Variants in TOM1 observed in about 807,000 individuals in gnomAD.
TOM1 encodes target of myb1 membrane trafficking protein.
A neutral mutation model predicts 61.3 loss-of-function variants in TOM1; 38 were observed. The ratio of observed to expected loss-of-function variants is 0.62; its 90% CI spans 0.48 to 0.81. TOM1 has a LOEUF of 0.81. TOM1 is among the 40% of genes least tolerant of loss of function. The pLI, the probability that TOM1 is intolerant of heterozygous loss-of-function variation, is 0.00. For missense variants in TOM1, 591 were observed against 659.6 expected, an observed-to-expected ratio of 0.90 and a Z score of 1.14; for synonymous variants, 270 against 268.8, an observed-to-expected ratio of 1.00 and a Z score of -0.04.
Position 35,323,867 on chromosome 22 carries a change from C to T in TOM1, c.601C>T (p.Pro201Ser), listed in dbSNP as rs142462711. The T allele has an allele frequency of 2.5e-6, 4 of 1,607,816 alleles. No homozygotes were observed. The highest frequency in any genetic ancestry group is 1.7e-5 in the Admixed American group (1 of 58,990). ...CCAGCATGCTGCCCCTCTGCCCGCC[C>T]CGCCCATACTCTCCGGTGACACGCC... ...SGQHAAPLPAPPILSGDTPIA... is the reference protein window; with the variant it reads ...SGQHAAPLPASPILSGDTPIA... The change falls in exon 6 of 15, where the codon CCG becomes TCG. Residue 201 changes from proline to serine, a missense_variant. Pro to Ser is a moderately conservative substitution (Grantham distance 74). Transcript: ENST00000449058. The surrounding 1 kb of genome is among the most constrained non-coding windows in gnomAD (Gnocchi z 4.2).
At chr22:35,337,338 AACAAGC>A (rs1929442344) in intron 11 of TOM1, among the ~76,000 whole-genome samples, 1 of 152,202 alleles carries the variant, frequency 6.6e-6, no homozygotes, top group Non-Finnish European at 1.5e-5. Context: ...TAGAGACAGC[AACAAGC>A]ACCTCCAGAC....
At chr22:35,332,941 T>G (rs1361970614) in intron 8 of TOM1, 40 bp from the exon 9 acceptor site, 3 of 1,611,654 alleles carry the variant, frequency 1.9e-6, no homozygotes, top group Non-Finnish European at 2.5e-6. Context: ...GGGGCCTGTC[T>G]CAGTCTGTCT....
intron 7 of TOM1, among the ~76,000 whole-genome samples, chr22:35,327,881 C>CA (rs1373403529): frequency 6.6e-6 from 1 of 152,110 alleles, no homozygotes; most frequent in Non-Finnish European, 1.5e-5. Context: ...TTCCTGCTCC[C>CA]GGGTGTCACA....
In TOM1 at chr22:35,300,122, G is replaced by T. The variant is rs933369062; in HGVS notation, c.52+142G>T. ...TAGCTCTCCGACCTGGCTCCGCCCA[G>T]CTTTCCTCCCACTCTTGATTGACAA... On this transcript the variant is annotated intron_variant, in intron 1 of 14. Transcript: ENST00000449058. 2.3e-5 allele frequency: 21 copies of T among 910,656 alleles called. No individual in the cohort carries two copies. The African/African-American group carries it at 3.2e-4, about 14-fold the overall frequency. 56.4% of individuals were successfully genotyped at this position (910,656 alleles called of 1,614,324 possible).
At chr22:35,346,279 C>T (rs913194921) in intron 13 of TOM1, among the ~76,000 whole-genome samples, 1 of 152,228 alleles carries the variant, frequency 6.6e-6, no homozygotes, top group African/African-American at 2.4e-5. Flanking sequence ...GCAGAAGGGG[C>T]AGGGCCAGAC....
Position 35,347,896 on chromosome 22 carries a change from A to T in TOM1, c.*687A>T, listed in dbSNP as rs989984842. On this transcript the variant is annotated 3_prime_UTR_variant, in exon 15 of 15. Coordinates refer to ENST00000449058, the MANE Select transcript of TOM1 (RefSeq NM_005488.3). ...GTTCCTTCTGGCCGGGCACCACAGC[A>T]CTGGGGCTCACCTCTTGGTTGATCC... 6.5e-6 allele frequency: 1 copy of T among 152,674 alleles called. No homozygotes were observed. Among genetic ancestry groups the T allele is most frequent in the Non-Finnish European group, 1.5e-5 (1 of 68,128 alleles). 9.5% of individuals were successfully genotyped at this position (152,674 alleles called of 1,614,324 possible).
intron 12 of TOM1, among the ~76,000 whole-genome samples, chr22:35,342,766 ACAC>A (rs961867727): frequency 7.0e-6 from 1 of 142,626 alleles, no homozygotes; most frequent in Non-Finnish European, 1.5e-5. Flanking sequence ...CACACCACAC[ACAC>A]ATCTACACCC....
chr22:35,306,323 C>G (rs924366918), intron 1 of TOM1, among the ~76,000 whole-genome samples: 1 of 152,200 alleles, frequency 6.6e-6, no homozygotes, highest in African/African-American at 2.4e-5. Context: ...AGCACCCACA[C>G]TGGGGATGCT....
At chr22:35,330,873 C>T (rs1429632235) in intron 8 of TOM1, among the ~76,000 whole-genome samples, 1 of 152,158 alleles carries the variant, frequency 6.6e-6, no homozygotes, top group East Asian at 1.9e-4. Flanking sequence ...TTCTGGCTAA[C>T]TTAGGCAGAA....
chr22:35,321,614 G>T (rs1302396038), intron 2 of TOM1: 1 of 428,282 alleles, frequency 2.3e-6, no homozygotes, highest in African/African-American at 2.0e-5. Context: ...GGCCAGGCTG[G>T]TCTTGAACTC....
intron 2 of TOM1, among the ~76,000 whole-genome samples, chr22:35,321,174 A>G (rs1927745469): frequency 6.6e-6 from 1 of 151,614 alleles, no homozygotes. Flanking sequence ...ACATAGCAAG[A>G]CCCCATCTCT....
At chr22:35,328,202 A>G (rs1928509175) in intron 7 of TOM1, among the ~76,000 whole-genome samples, 1 of 152,018 alleles carries the variant, frequency 6.6e-6, no homozygotes, top group Non-Finnish European at 1.5e-5. Flanking sequence ...GGGTGGGGAG[A>G]AAAGGAGTAG....
intron 1 of TOM1, among the ~76,000 whole-genome samples, chr22:35,310,155 G>A (rs1926695274): frequency 2.0e-5 from 3 of 152,242 alleles, no homozygotes. Flanking sequence ...TATATCCAGA[G>A]GGGTCGGTCA....
At chr22:35,337,711 C>G (rs1929495353) in intron 11 of TOM1, among the ~76,000 whole-genome samples, 1 of 152,224 alleles carries the variant, frequency 6.6e-6, no homozygotes, top group African/African-American at 2.4e-5. Context: ...ACAGTTAGAC[C>G]AGCCCCGCTT....
chr22:35,343,211 ACC>A (rs1601717485), intron 12 of TOM1, among the ~76,000 whole-genome samples: 2 of 82,438 alleles, frequency 2.4e-5, no homozygotes, highest in Non-Finnish European at 2.4e-5. Context: ...CTACACACAC[ACC>A]CCTACACACA....
intron 1 of TOM1, among the ~76,000 whole-genome samples, chr22:35,301,602 CAT>C (rs1248703273): frequency 6.6e-6 from 1 of 152,184 alleles, no homozygotes; most frequent in Admixed American, 6.5e-5. Flanking sequence ...TAAGATGAGA[CAT>C]ATTTTCCATT....
At chr22:35,310,360 C>G (rs981728697) in intron 1 of TOM1, among the ~76,000 whole-genome samples, 2 of 152,148 alleles carry the variant, frequency 1.3e-5, no homozygotes, top group East Asian at 3.9e-4. Flanking sequence ...CGAGACCATC[C>G]TGGCCAATGT....
intron 1 of TOM1, among the ~76,000 whole-genome samples, chr22:35,317,270 A>C (rs1927376742): frequency 1.3e-5 from 2 of 151,644 alleles, no homozygotes; most frequent in African/African-American, 4.9e-5. Context: ...TCTCTTTGCA[A>C]CCTCCGCCTC....
intron 1 of TOM1, among the ~76,000 whole-genome samples, chr22:35,310,251 G>A (rs577787561): frequency 1.3e-5 from 2 of 152,022 alleles, no homozygotes; most frequent in African/African-American, 2.4e-5. Context: ...AAGGAGGGAC[G>A]TGGTACTTTT....
Sources: allele counts gnomAD v4.1 joint callset (sites outside exome capture counted in the v4.1 genomes callset), GRCh38; gene constraint gnomAD v4.1.1; non-coding constraint Gnocchi (gnomAD v3.1); transcripts MANE v1.5; gene names NCBI Gene and HGNC (gene_info 2026-07-23, HGNC 2026-07-21).